Variants in UGT2A2 observed in about 807,000 individuals in gnomAD.
UGT2A2 encodes UDP-glucuronosyltransferase 2A2.
A neutral mutation model predicts 50.7 loss-of-function variants in UGT2A2; 60 were observed. That is an observed-to-expected ratio of 1.18 (90% CI 0.96 to 1.47). The LOEUF (loss-of-function observed/expected upper bound fraction) is 1.47. Ranked by LOEUF, UGT2A2 falls within the 40% of genes most tolerant of loss-of-function variation. The pLI, the probability that UGT2A2 is intolerant of heterozygous loss-of-function variation, is 0.00. For synonymous variants in UGT2A2, 242 were observed against 214.6 expected (o/e 1.13, Z -1.11); for missense variants, 762 against 634.0 (o/e 1.20, Z -2.17).
chr4:69,603,356 C>A (rs1253267671), intron 1 of UGT2A2, among the ~76,000 whole-genome samples: 1 of 136,482 alleles, frequency 7.3e-6, no homozygotes, highest in Non-Finnish European at 1.6e-5. Flanking sequence ...TGCAGGCATG[C>A]AGGAAAAAAT....
At chr4:69,633,585 CATTAAT>C (rs1213870206) in intron 1 of UGT2A2, among the ~76,000 whole-genome samples, 1 of 152,148 alleles carries the variant, frequency 6.6e-6, no homozygotes, top group Admixed American at 6.5e-5. Context: ...AAATGTGATA[CATTAAT>C]TCAATAGACT....
rs182425703 is a variant in UGT2A2 at position 69,602,829 on chromosome 4, G to T, written c.743-3435C>A. 5.1e-5 allele frequency among the ~76,000 whole-genome samples: 7 copies of T among 136,380 alleles called. No homozygotes were observed. In the East Asian group the frequency reaches 1.4e-3, roughly 28 times the overall value. The allele number at this position is 136,380 out of a possible 152,430, so 89.5% of individuals were successfully genotyped here. ...GTCCATTCTCTAAAATCAATTTATA[G>T]ATTAATTATGAATCTTATTAAGGGT... On this transcript the variant is annotated intron_variant, in intron 1 of 5. Coordinates refer to ENST00000604629, the MANE Select transcript of UGT2A2 (RefSeq NM_001105677.2).
intron 1 of UGT2A2, among the ~76,000 whole-genome samples, chr4:69,609,228 C>A (rs1181487986): frequency 6.6e-6 from 1 of 151,300 alleles, no homozygotes; most frequent in African/African-American, 2.4e-5. Flanking sequence ...ACACAGCTCA[C>A]TGCAGCCTTG....
rs759362531 is a variant in UGT2A2 at position 69,639,099 on chromosome 4, C to T, written c.542G>A (p.Arg181Lys). 6 of 1,613,494 alleles carry T rather than the reference C, an allele frequency of 3.7e-6. No homozygotes were observed. The highest frequency in any genetic ancestry group is 4.2e-6 in the Non-Finnish European group (5 of 1,179,692). Residue 181 changes from arginine to lysine, a missense_variant, in exon 1 of 6, where the codon AGG becomes AAG. Transcript: ENST00000604629. The stretch of plus-strand genomic sequence containing the variant: ...CTCCACTGTTGATGCTGGAGAGAAC[C>T]TCAATGTGTACATAAATGGAATTCC... ...KLGIPFMYTL[R>K]FSPASTVERH...
chr4:69,636,422 A>G (rs891008399), intron 1 of UGT2A2, among the ~76,000 whole-genome samples: 1 of 152,164 alleles, frequency 6.6e-6, no homozygotes, highest in Admixed American at 6.5e-5. Context: ...TAAAATATTC[A>G]AGGCAGTTAT....
intron 1 of UGT2A2, among the ~76,000 whole-genome samples, chr4:69,612,485 C>T (rs1283807017): frequency 1.3e-5 from 2 of 152,020 alleles, no homozygotes; most frequent in South Asian, 2.1e-4. Flanking sequence ...CAACTTCAAA[C>T]TATAAGACTA....
chr4:69,638,897 A>C lies in UGT2A2; in HGVS notation c.742+2T>G. 6.4e-7 allele frequency: 1 copy of C among 1,570,696 alleles called. No homozygotes were observed. The highest frequency in any genetic ancestry group is 8.6e-7 in the Non-Finnish European group (1 of 1,159,192). ...ATTAAAAAGAGAAAATTTTAGACTT[A>C]CCTAAAATTTTGCTATAGTATGAAT... On this transcript the variant is annotated splice_donor_variant, in intron 1 of 5. Transcript: ENST00000604629. LOFTEE classifies it high-confidence loss of function.
Position 69,618,203 on chromosome 4 carries a change from G to GTGTGTATGTT in UGT2A2, c.743-18810_743-18809insAACATACACA, listed in dbSNP as rs1290014754. Among the ~76,000 whole-genome samples the GTGTGTATGTT allele has an allele frequency of 7.8e-3, 715 of 92,234 alleles. 6 individuals carry two copies. The highest frequency in any genetic ancestry group is 0.024 in the Middle Eastern group (5 of 206). The allele number at this position is 92,234 out of a possible 152,430, so 60.5% of individuals were successfully genotyped here. The stretch of plus-strand genomic sequence containing the variant: ...CCAGTAAGCATGTGTGTGTGTGTGT[G>GTGTGTATGTT]TGTGTGTGTGTGTATGTTTGTGTGT... On this transcript the variant is annotated intron_variant, in intron 1 of 5. Transcript: ENST00000604629.
At chr4:69,602,825 T>C (rs967707447) in intron 1 of UGT2A2, among the ~76,000 whole-genome samples, 2 of 136,558 alleles carry the variant, frequency 1.5e-5, no homozygotes, top group Admixed American at 1.4e-4. Context: ...AAAATCAATT[T>C]ATAGATTAAT....
At chr4:69,621,574 A>G (rs1204267062) in intron 1 of UGT2A2, among the ~76,000 whole-genome samples, 1 of 151,838 alleles carries the variant, frequency 6.6e-6, no homozygotes, top group African/African-American at 2.4e-5. Context: ...TAGTTCACCC[A>G]TTGTGGAAAG....
At chr4:69,593,969 T>A (rs1718745046) in intron 5 of UGT2A2, among the ~76,000 whole-genome samples, 1 of 101,624 alleles carries the variant, frequency 9.8e-6, no homozygotes, top group Non-Finnish European at 2.2e-5. Flanking sequence ...TTTGAAGTCT[T>A]TTTTTTTGTT....
At chr4:69,628,338 C>T (rs1721205976) in intron 1 of UGT2A2, among the ~76,000 whole-genome samples, 1 of 151,848 alleles carries the variant, frequency 6.6e-6, no homozygotes, top group Non-Finnish European at 1.5e-5. Flanking sequence ...CTGCAGACAT[C>T]ACACTCCCTA....
rs1311201951 is a variant in UGT2A2, at chr4:69,596,608, A to C, written c.892-227T>G. ...CATGATCTCTGCTCACTGCAACCTC[A>C]CCTCCCCGGTTCAAGTGATTCTCAC... On this transcript the variant is annotated intron_variant, in intron 2 of 5. Coordinates refer to ENST00000604629, the MANE Select transcript of UGT2A2 (RefSeq NM_001105677.2). Among the ~76,000 whole-genome samples, 4 of 151,716 alleles carry C rather than the reference A, an allele frequency of 2.6e-5. No homozygotes were observed. In the East Asian group the frequency reaches 5.8e-4, roughly 22 times the overall value.
chr4:69,639,578 C>A lies in UGT2A2; in HGVS notation c.63G>T (p.Leu21Phe). 1 of 1,610,158 alleles carries A rather than the reference C, an allele frequency of 6.2e-7. No individual in the cohort carries two copies. Among genetic ancestry groups the A allele is most frequent in the South Asian group, 1.1e-5 (1 of 90,224 alleles). The change falls in exon 1 of 6, where the codon TTG becomes TTT. Residue 21 changes from leucine (L) to phenylalanine (F), a missense_variant. Physicochemically the swap from Leu to Phe is conservative, Grantham distance 22. Coordinates refer to ENST00000604629, the MANE Select transcript of UGT2A2 (RefSeq NM_001105677.2). The stretch of plus-strand genomic sequence containing the variant: ...CACTTAGAACAACTTCAGTCAGAGT[C>A]AAATTAAAAACCAGCATCTGGACAA... The part of the protein sequence containing the change: ...KKFVQMLVFN[L>F]TLTEVVLSGN...
At chr4:69,589,706 G>A in intron 5 of UGT2A2, 55 bp from the exon 6 acceptor site, 1 of 1,558,948 alleles carries the variant, frequency 6.4e-7, no homozygotes, top group Non-Finnish European at 8.7e-7. Flanking sequence ...TATTTTCATT[G>A]AAGATAAATA....
chr4:69,636,964 T>C (rs1481583085), intron 1 of UGT2A2, among the ~76,000 whole-genome samples: 4 of 152,148 alleles, frequency 2.6e-5, no homozygotes, highest in Non-Finnish European at 5.9e-5. Context: ...ACCTTGTTAC[T>C]TTTTGTATGT....
In UGT2A2 at chr4:69,593,964, AGT is replaced by A. The variant is rs553760961; in HGVS notation, c.1331+511_1331+512del. Reference sequence around the variant, plus strand: ...TGAAAAATATTGAAATAATATTTGAAGTCTTTTTTTTTGTTTGTTTTTTTTTT... The same window carrying A: ...TGAAAAATATTGAAATAATATTTGAACTTTTTTTTTGTTTGTTTTTTTTTT... On this transcript the variant is annotated intron_variant, in intron 5 of 5. Coordinates refer to ENST00000604629, the MANE Select transcript of UGT2A2 (RefSeq NM_001105677.2). Among the ~76,000 whole-genome samples, 896 of 146,922 alleles carry A rather than the reference AGT, an allele frequency of 6.1e-3. 14 individuals are homozygous for A. Among genetic ancestry groups the A allele is most frequent in the African/African-American group, 0.02 (818 of 39,958 alleles).
chr4:69,608,434 G>C (rs142500988), intron 1 of UGT2A2, among the ~76,000 whole-genome samples: 5 of 131,890 alleles, frequency 3.8e-5, no homozygotes, highest in African/African-American at 8.1e-5. Flanking sequence ...GTGGGGGGAG[G>C]GGGGAAGGAT....
intron 1 of UGT2A2, among the ~76,000 whole-genome samples, chr4:69,634,761 T>G (rs1014625878): frequency 6.6e-6 from 1 of 152,132 alleles, no homozygotes; most frequent in Non-Finnish European, 1.5e-5. Flanking sequence ...AAAAGGGAGA[T>G]TCCTCAATCT....
Sources: gnomAD v4.1 joint callset for allele counts (sites outside exome capture counted in the v4.1 genomes callset) on GRCh38, gnomAD v4.1.1 for gene constraint, MANE v1.5 for transcripts, NCBI Gene and HGNC (gene_info 2026-07-23, HGNC 2026-07-21) for gene names.